The following GAB3 variants were observed in gnomAD, a reference collection of about 807,000 sequenced individuals.
GAB3 encodes GRB2-associated-binding protein 3.
A neutral mutation model predicts 40.4 loss-of-function variants in GAB3; 12 were observed. That is an observed-to-expected ratio of 0.30 (90% CI 0.19 to 0.48). The LOEUF is 0.48. GAB3 is among the 20% of genes least tolerant of loss of function. The pLI, the probability that GAB3 is intolerant of heterozygous loss-of-function variation, is 0.99. For synonymous variants in GAB3, 154 were observed against 176.7 expected (o/e 0.87, Z 1.02); for missense variants, 381 against 461.9 (o/e 0.82, Z 1.61).
rs1239847307 is a variant in GAB3 at position 154,700,153 on chromosome X, T to G, written c.1070-94A>C. The G allele has an allele frequency of 7.4e-6, 5 of 673,597 alleles. No homozygotes were observed. In the African/African-American group the frequency reaches 1.1e-4, roughly 15 times the overall value. 55.5% of individuals were successfully genotyped at this position (673,597 alleles called of 1,213,427 possible). On this transcript the variant is annotated intron_variant, in intron 4 of 9. Transcript: ENST00000424127. ...CAGAGAAGCATAACACAACAGTTGC[T>G]ATTAGAGTCTAGCTGGGCAGTCAGA...
intron 1 of GAB3, among the ~76,000 whole-genome samples, chrX:154,723,973 C>T (rs1404674103): frequency 8.9e-6 from 1 of 111,735 alleles, no homozygotes; most frequent in Non-Finnish European, 1.9e-5. Context: ...TAAACCCTGG[C>T]CTGTCACCCT....
intron 8 of GAB3, among the ~76,000 whole-genome samples, chrX:154,687,305 G>T (rs1557248054): frequency 9.0e-6 from 1 of 110,781 alleles, no homozygotes; most frequent in Non-Finnish European, 1.9e-5. Flanking sequence ...ATTCTCAAAT[G>T]TATGTATAGA....
intron 1 of GAB3, among the ~76,000 whole-genome samples, chrX:154,720,115 C>G (rs2071105792): frequency 9.1e-6 from 1 of 110,129 alleles, no homozygotes; most frequent in African/African-American, 3.3e-5. Flanking sequence ...TTTAGATACA[C>G]AAATACCTAC....
In GAB3 at chrX:154,678,181, T is replaced by C. The variant is rs782741950; in HGVS notation, c.1761A>G (p.Val587=). 1 of 1,116,128 alleles carries C rather than the reference T, an allele frequency of 9.0e-7. No individual in the cohort carries two copies. The highest frequency in any genetic ancestry group is 3.0e-5 in the East Asian group (1 of 33,232). 92.0% of individuals were successfully genotyped at this position (1,116,128 alleles called of 1,213,427 possible). ...QEWTDERQSK[V] is the part of the protein sequence containing the mutation. ...ACATGGCACAAGCCCGCACCTCTCATACTTTGGATTGCCTTTCATCCGTCC... is the reference window on the plus strand; with the variant it reads ...ACATGGCACAAGCCCGCACCTCTCACACTTTGGATTGCCTTTCATCCGTCC... Residue 587 remains valine (V), a synonymous_variant, in exon 10 of 10, where the codon GTA becomes GTG. Transcript: ENST00000424127.
chrX:154,722,278 G>A (rs1187779998), intron 1 of GAB3, among the ~76,000 whole-genome samples: 1 of 110,655 alleles, frequency 9.0e-6, no homozygotes, highest in Non-Finnish European at 1.9e-5. Context: ...AAAAAAAACT[G>A]GTTACCAGGG....
chrX:154,744,018 A>G (rs781944232), intron 1 of GAB3, among the ~76,000 whole-genome samples: 201 of 110,266 alleles, frequency 1.8e-3, no homozygotes, highest in African/African-American at 6.3e-3. Context: ...GATCGAGATC[A>G]TCCTGGCCAA....
chrX:154,712,834 C>T (rs1403279353), intron 3 of GAB3, 133 bp from the exon 4 acceptor site: 4 of 409,905 alleles, frequency 9.8e-6, no homozygotes, highest in African/African-American at 2.5e-5. Context: ...CTCTACAACA[C>T]TCAGTTACAC....
chrX:154,729,613 C>T (rs2071264080), intron 1 of GAB3, among the ~76,000 whole-genome samples: 1 of 112,020 alleles, frequency 8.9e-6, no homozygotes, highest in Admixed American at 9.4e-5. Flanking sequence ...CAGACTGAAT[C>T]ACAGGGTTCT....
chrX:154,712,667 C>T lies in GAB3; in HGVS notation c.631G>A (p.Asp211Asn). The T allele has an allele frequency of 3.5e-6, 4 of 1,129,340 alleles. No individual in the cohort carries two copies. The highest frequency in any genetic ancestry group is 4.7e-6 in the Non-Finnish European group (4 of 855,651). 93.1% of individuals were successfully genotyped at this position (1,129,340 alleles called of 1,213,427 possible). A position where few individuals can be genotyped will look rare whatever the true frequency, so the allele number is the denominator to read the frequency against. Residue 211 changes from aspartate to asparagine, a missense_variant, in exon 4 of 10, where the codon GAC becomes AAC. This residue lies in a region of GAB3 where 364 missense variants were observed against 421.0 expected (regional missense o/e 0.86). Coordinates refer to ENST00000424127, the MANE Select transcript of GAB3 (RefSeq NM_001081573.3). ...AATGAAGCCTGTTCCAATGAACGGT[C>T]TGAGTTTGACCAGCTATCACATCTG... ...PTRCDSWSNSDRSLEQASFDD... is the reference protein window; with the variant it reads ...PTRCDSWSNSNRSLEQASFDD...
At chrX:154,704,327 C>A (rs188231128) in intron 4 of GAB3, among the ~76,000 whole-genome samples, 3 of 111,116 alleles carry the variant, frequency 2.7e-5, no homozygotes, top group Non-Finnish European at 5.7e-5. Context: ...AGAATAAGAC[C>A]TAATATTTGA....
At chrX:154,687,514 G>A (rs1234777890) in intron 8 of GAB3, among the ~76,000 whole-genome samples, 1 of 107,399 alleles carries the variant, frequency 9.3e-6, no homozygotes, top group Non-Finnish European at 1.9e-5. Flanking sequence ...GGCGCCTGTA[G>A]TCCCAGCTAC....
intron 1 of GAB3, among the ~76,000 whole-genome samples, chrX:154,748,284 C>A (rs935758433): frequency 4.1e-4 from 45 of 111,063 alleles, no homozygotes; most frequent in African/African-American, 1.4e-3. Context: ...GAATATGATC[C>A]CAGTTGTGCA....
intron 4 of GAB3, among the ~76,000 whole-genome samples, chrX:154,709,944 G>A (rs782534306): frequency 9.0e-6 from 1 of 111,661 alleles, no homozygotes; most frequent in Non-Finnish European, 1.9e-5. Flanking sequence ...GGGGAATGCA[G>A]GTAAATGAGA....
At chrX:154,699,653 G>T in intron 5 of GAB3, 140 bp from the exon 6 acceptor site, 1 of 509,984 alleles carries the variant, frequency 2.0e-6, no homozygotes, top group Non-Finnish European at 3.2e-6. Flanking sequence ...AGTCAGACAA[G>T]CCTCTAGCTC....
intron 9 of GAB3, chrX:154,679,003 A>G (rs1490234675): frequency 3.2e-5 from 8 of 250,264 alleles, no homozygotes; most frequent in Admixed American, 5.2e-5. Flanking sequence ...ATTAAAAAAT[A>G]AAAAACAGCC....
intron 1 of GAB3, among the ~76,000 whole-genome samples, chrX:154,720,222 T>C (rs1557258425): frequency 9.0e-6 from 1 of 111,357 alleles, no homozygotes; most frequent in Admixed American, 9.5e-5. Flanking sequence ...CCTAGGTGTG[T>C]AGTAAGCTAG....
intron 1 of GAB3, among the ~76,000 whole-genome samples, chrX:154,726,197 G>A (rs186604523): frequency 2.1e-3 from 229 of 111,296 alleles, no homozygotes; most frequent in Non-Finnish European, 2.8e-3. Context: ...GAGATTTAAA[G>A]GAAAATACGA....
At position 154,699,389 on chromosome X, in the gene GAB3, G is replaced by A. The variant is rs782068259; in HGVS notation, c.1250C>T (p.Pro417Leu). The stretch of plus-strand genomic sequence containing the variant: ...GCTTGAGATGCTTCCTGAGTTCATT[G>A]GAATGTAGTCATCAGGGCTGCAGTG... ...GPHCSPDDYI[P>L]MNSGSISSPL... The change falls in exon 6 of 10, where the codon CCA (proline) becomes CTA (leucine). Residue 417 changes from proline (P) to leucine (L), a missense_variant. By Grantham distance (98) the Pro-to-Leu change is moderately conservative. This residue lies in a region of GAB3 where 364 missense variants were observed against 421.0 expected (regional missense o/e 0.86). Coordinates refer to ENST00000424127, the MANE Select transcript of GAB3 (RefSeq NM_001081573.3). 5 of 1,210,922 alleles carry A rather than the reference G, an allele frequency of 4.1e-6. No individual in the cohort carries two copies. In the South Asian group the frequency reaches 8.8e-5, roughly 21 times the overall value.
At chrX:154,699,561 AC>A (rs782801703) in intron 5 of GAB3, 48 bp from the exon 6 acceptor site, 34 of 1,081,854 alleles carry the variant, frequency 3.1e-5, no homozygotes, top group Non-Finnish European at 4.0e-5. Context: ...AGTCATGGAA[AC>A]TGCTATCAGA....
Sources: gnomAD v4.1 joint callset for allele counts (sites outside exome capture counted in the v4.1 genomes callset) on GRCh38, gnomAD v4.1.1 for gene constraint, gnomAD v4.1.1 regional missense constraint, MANE v1.5 for transcripts, NCBI Gene and HGNC (gene_info 2026-07-23, HGNC 2026-07-21) for gene names.